Variants in CCAR1 observed in about 807,000 individuals in gnomAD.
CCAR1 encodes cell division cycle and apoptosis regulator 1.
Under a neutral mutation model 163.8 loss-of-function variants are expected in CCAR1, and 78 were observed. The observed-to-expected ratio is 0.48, with a 90% CI of 0.40 to 0.57. The LOEUF is 0.57. Among genes scored for constraint, CCAR1 ranks in the 20% least tolerant of loss-of-function variants. The pLI, the probability that CCAR1 is intolerant of heterozygous loss-of-function variation, is 0.00. For synonymous variants in CCAR1, 443 were observed against 460.7 expected, an observed-to-expected ratio of 0.96 and a Z score of 0.49; for missense variants, 1,019 against 1,365.2, an observed-to-expected ratio of 0.75 and a Z score of 4.00.
chr10:68,767,378 C>T lies in CCAR1; in HGVS notation c.2298+1299C>T, dbSNP rs1370517443. On this transcript the variant is annotated intron_variant, in intron 17 of 24. Transcript: ENST00000265872. ...TGCCTCCCAGGCTCAAGCGATTCTC[C>T]TGCCTCAGCCTCCCGGGTAGCTGAG... 5.3e-5 allele frequency among the ~76,000 whole-genome samples: 8 copies of T among 152,258 alleles called. No individual in the cohort carries two copies. The East Asian group carries it at 5.8e-4, about 11-fold the overall frequency.
rs537662142 is a variant in CCAR1 at position 68,771,138 on chromosome 10, A to G, written c.2299-68A>G. ...TGTATGTGGCAAGTTTTTATTTGCTAAATTACTCTGCTAGCTTTATTATTT... is the reference window on the plus strand; with the variant it reads ...TGTATGTGGCAAGTTTTTATTTGCTGAATTACTCTGCTAGCTTTATTATTT... On this transcript the variant is annotated intron_variant, in intron 17 of 24. Transcript: ENST00000265872. 99 of 1,386,952 alleles carry G rather than the reference A, an allele frequency of 7.1e-5. No individual in the cohort carries two copies. The African/African-American group carries it at 1.2e-3, about 17-fold the overall frequency. 85.9% of individuals were successfully genotyped at this position (1,386,952 alleles called of 1,614,324 possible). A position where few individuals can be genotyped will look rare whatever the true frequency, so the allele number is the denominator to read the frequency against.
At chr10:68,758,652 T>C (rs916598905) in intron 15 of CCAR1, among the ~76,000 whole-genome samples, 2 of 106,764 alleles carry the variant, frequency 1.9e-5, no homozygotes, top group South Asian at 3.2e-4. Context: ...CACGTGTATA[T>C]ATATATATAT....
chr10:68,788,755 A>T (rs1004242415), intron 23 of CCAR1, among the ~76,000 whole-genome samples: 1 of 152,072 alleles, frequency 6.6e-6, no homozygotes, highest in African/African-American at 2.4e-5. Flanking sequence ...TAGTGTTGGG[A>T]TTACAGGCAG....
intron 2 of CCAR1, among the ~76,000 whole-genome samples, chr10:68,726,250 C>G (rs1380273773): frequency 1.3e-5 from 2 of 150,670 alleles, no homozygotes; most frequent in African/African-American, 4.9e-5. Flanking sequence ...CTCCTGGGTT[C>G]AAGCGATTCT....
intron 24 of CCAR1, among the ~76,000 whole-genome samples, chr10:68,790,915 T>C (rs2056845798): frequency 6.7e-6 from 1 of 149,276 alleles, no homozygotes; most frequent in East Asian, 2.0e-4. Flanking sequence ...CCCAGGCTGG[T>C]CTCCAACTCC....
intron 17 of CCAR1, among the ~76,000 whole-genome samples, chr10:68,766,363 C>T (rs2056535716): frequency 6.6e-6 from 1 of 151,516 alleles, no homozygotes; most frequent in Admixed American, 6.6e-5. Flanking sequence ...CCACCACACC[C>T]AGCTAATTTT....
intron 2 of CCAR1, 116 bp downstream of exon 2, chr10:68,722,693 G>A: frequency 2.7e-6 from 2 of 741,628 alleles, no homozygotes; most frequent in Non-Finnish European, 4.6e-6. Context: ...GGGAAGCGGA[G>A]GAGGTGGATC....
chr10:68,772,690 G>A (rs1213649080), intron 18 of CCAR1, among the ~76,000 whole-genome samples: 1 of 151,180 alleles, frequency 6.6e-6, no homozygotes, highest in Admixed American at 6.6e-5. Flanking sequence ...CCTGGGAGGT[G>A]GAGGTTGCAG....
intron 17 of CCAR1, among the ~76,000 whole-genome samples, chr10:68,767,045 T>G (rs1454598584): frequency 1.3e-5 from 2 of 152,174 alleles, no homozygotes; most frequent in African/African-American, 2.4e-5. Context: ...TTCTGTTTTT[T>G]CCCTAAGACG....
intron 10 of CCAR1, among the ~76,000 whole-genome samples, chr10:68,751,442 C>T (rs752496934): frequency 5.3e-5 from 8 of 152,154 alleles, no homozygotes; most frequent in Non-Finnish European, 1.2e-4. Flanking sequence ...ACCACTTTTC[C>T]CAGCCTCAAA....
intron 11 of CCAR1, 56 bp downstream of exon 11, chr10:68,754,133 A>G: frequency 7.4e-6 from 9 of 1,211,362 alleles, no homozygotes; most frequent in Non-Finnish European, 1.1e-5. Flanking sequence ...TTCATAATAA[A>G]AGGGTATGTA....
chr10:68,749,806 A>T, intron 10 of CCAR1, 121 bp downstream of exon 10: 1 of 810,150 alleles, frequency 1.2e-6, no homozygotes, highest in East Asian at 2.5e-5. Context: ...TCTTCATATA[A>T]GGGCAGAAAT....
Position 68,737,862 on chromosome 10 carries a change from G to C in CCAR1, c.264G>C (p.Gln88His), listed in dbSNP as rs1390811262. The change falls in exon 4 of 25, where the codon CAG becomes CAC. Residue 88 changes from glutamine (Q) to histidine (H), a missense_variant. Gln to His is a conservative substitution (Grantham distance 24). Transcript: ENST00000265872. ...AALQQQYSQP[Q>H]QALYSVQQQL... ...TCTTTCAGCAATATTCACAACCTCAGCAGGCCCTGTATAGTGTGCAACAAC... is the reference window on the plus strand; with the variant it reads ...TCTTTCAGCAATATTCACAACCTCACCAGGCCCTGTATAGTGTGCAACAAC... 2 of 1,592,742 alleles carry C rather than the reference G, an allele frequency of 1.3e-6. No homozygotes were observed. Among genetic ancestry groups the C allele is most frequent in the Non-Finnish European group, 8.5e-7 (1 of 1,172,866 alleles).
Position 68,740,634 on chromosome 10 carries a change from G to A in CCAR1, c.297G>A (p.Gln99=). 6.2e-7 allele frequency: 1 copy of A among 1,610,884 alleles called. No homozygotes were observed. The highest frequency in any genetic ancestry group is 8.5e-7 in the Non-Finnish European group (1 of 1,178,444). ...QALYSVQQQL[Q]QPQQTLLTQP... The stretch of plus-strand genomic sequence containing the variant: ...GTTTATTTTTCTGTTTTCAGTTACA[G>A]CAACCCCAGCAAACCCTCTTAACAC... The change falls in exon 5 of 25, where the codon CAG becomes CAA. Residue 99 remains glutamine, a synonymous_variant. Transcript: ENST00000265872.
intron 24 of CCAR1, 44 bp downstream of exon 24, chr10:68,789,959 C>A (rs369241657): frequency 5.4e-5 from 67 of 1,237,138 alleles, no homozygotes; most frequent in Non-Finnish European, 7.5e-5. Context: ...TTTTAAAAAT[C>A]TAACTCTGGT....
At chr10:68,722,063 T>C (rs187541645) in intron 1 of CCAR1, among the ~76,000 whole-genome samples, 50 of 152,322 alleles carry the variant, frequency 3.3e-4, no homozygotes, top group African/African-American at 1.0e-3. Context: ...AACATTACCC[T>C]GGCCTCACTC....
intron 6 of CCAR1, among the ~76,000 whole-genome samples, chr10:68,745,507 A>T (rs1192774905): frequency 6.8e-6 from 1 of 147,296 alleles, no homozygotes; most frequent in Non-Finnish European, 1.5e-5. Context: ...CTTGTTGCCC[A>T]GGTTGGAGTG....
At position 68,747,156 on chromosome 10, in the gene CCAR1, T is replaced by TA. The variant is rs1564535832; in HGVS notation, c.519-4dup. On this transcript the variant is annotated splice_region_variant and splice_polypyrimidine_tract_variant and intron_variant, in intron 6 of 24. Coordinates refer to ENST00000265872, the MANE Select transcript of CCAR1 (RefSeq NM_018237.4). ...TTAACTTTTTTTTTCTTTTTTTTTT[T>TA]ACAGTGCTGTCAAAGGGAAAACCCC... is the stretch of plus-strand genomic sequence containing the variant. The TA allele has an allele frequency of 2.1e-6, 3 of 1,452,550 alleles. No homozygotes were observed. The highest frequency in any genetic ancestry group is 1.4e-5 in the African/African-American group (1 of 69,824). The allele number at this position is 1,452,550 out of a possible 1,614,324, so 90.0% of individuals were successfully genotyped here.
intron 2 of CCAR1, among the ~76,000 whole-genome samples, chr10:68,726,394 G>A (rs977324788): frequency 1.3e-5 from 2 of 151,706 alleles, no homozygotes; most frequent in East Asian, 2.0e-4. Flanking sequence ...CTTGTGATCC[G>A]CCCACCTCGG....
Sources: gnomAD v4.1 joint callset for allele counts (sites outside exome capture counted in the v4.1 genomes callset) on GRCh38, gnomAD v4.1.1 for gene constraint, MANE v1.5 for transcripts, NCBI Gene and HGNC (gene_info 2026-07-23, HGNC 2026-07-21) for gene names.